Variants in SHISA9 observed in about 807,000 individuals in gnomAD.
SHISA9 encodes shisa family member 9, also known as protein shisa-9.
Under a neutral mutation model 38.0 loss-of-function variants are expected in SHISA9, and 13 were observed. The ratio of observed to expected loss-of-function variants is 0.34; its 90% CI spans 0.22 to 0.54. The LOEUF is 0.54. Among genes scored for constraint, SHISA9 ranks in the 20% least tolerant of loss-of-function variants. The probability of loss-of-function intolerance (pLI) is 0.91; values close to 1 mark genes in which losing one functional copy is unlikely to be tolerated. For synonymous variants in SHISA9, 275 were observed against 242.0 expected, an observed-to-expected ratio of 1.14 and a Z score of -1.27; for missense variants, 538 against 575.8, an observed-to-expected ratio of 0.93 and a Z score of 0.67.
chr16:13,556,083 C>T, the SHISA9 span, among the ~76,000 whole-genome samples: 2 of 152,180 alleles, frequency 1.3e-5, no homozygotes, highest in Non-Finnish European at 2.9e-5. Flanking sequence ...CCAGACAAAG[C>T]CACTTTCCGA....
At chr16:13,146,804 T>C (rs997805167) in intron 2 of SHISA9, among the ~76,000 whole-genome samples, 1 of 152,192 alleles carries the variant, frequency 6.6e-6, no homozygotes, top group African/African-American at 2.4e-5. Context: ...GGGCACCAAC[T>C]CAATGAATGG....
chr16:13,411,734 C>T, the SHISA9 span, among the ~76,000 whole-genome samples: 1 of 152,328 alleles, frequency 6.6e-6, no homozygotes, highest in East Asian at 1.9e-4. Flanking sequence ...GTAAGTTACA[C>T]AAGACACTTC....
At chr16:13,379,661 T>C in the SHISA9 span, among the ~76,000 whole-genome samples, 4 of 152,232 alleles carry the variant, frequency 2.6e-5, no homozygotes, top group African/African-American at 9.6e-5. Context: ...GCCTGAATCC[T>C]GGTAGGCACA....
chr16:13,540,432 C>T, the SHISA9 span, among the ~76,000 whole-genome samples: 1 of 152,218 alleles, frequency 6.6e-6, no homozygotes, highest in African/African-American at 2.4e-5. Flanking sequence ...ACCCCAGCTC[C>T]CTTTCCCATC....
intron 2 of SHISA9, among the ~76,000 whole-genome samples, chr16:13,084,758 AG>A (rs1350586587): frequency 6.7e-6 from 1 of 150,156 alleles, no homozygotes; most frequent in Non-Finnish European, 1.5e-5. Flanking sequence ...CATAGACCAT[AG>A]ACCATAGACA....
At chr16:13,187,568 C>T (rs1368442517) in intron 2 of SHISA9, among the ~76,000 whole-genome samples, 2 of 151,962 alleles carry the variant, frequency 1.3e-5, no homozygotes, top group Non-Finnish European at 2.9e-5. Context: ...CTCCTGATGT[C>T]TAGTGATCCA....
In SHISA9 at chr16:12,902,465, C is replaced by T; in HGVS notation, c.401C>T (p.Pro134Leu). 1 of 1,551,510 alleles carries T rather than the reference C, an allele frequency of 6.4e-7. No individual in the cohort carries two copies. The highest frequency in any genetic ancestry group is 8.7e-7 in the Non-Finnish European group (1 of 1,146,996). ...DTPLWLNTGK[P>L]PARKDDPLHD... ...CCGCTCTGGCTCAACACCGGCAAGC[C>T]CCCCGCCCGCAAGGACGACCCCTTG... The change falls in exon 1 of 5, where the codon CCC becomes CTC. Residue 134 changes from proline (P) to leucine (L), a missense_variant. By Grantham distance (98) the Pro-to-Leu change is moderately conservative. This residue lies in a region of SHISA9 where 88 missense variants were observed against 109.7 expected (regional missense o/e 0.80). Transcript: ENST00000558583.
intron 2 of SHISA9, among the ~76,000 whole-genome samples, chr16:12,994,024 C>G (rs888678586): frequency 3.3e-5 from 5 of 152,076 alleles, no homozygotes; most frequent in African/African-American, 9.7e-5. Context: ...TTTATAGACA[C>G]CTGGCTAAAA....
chr16:13,254,575 G>A, the SHISA9 span, among the ~76,000 whole-genome samples: 2 of 152,226 alleles, frequency 1.3e-5, no homozygotes, highest in South Asian at 4.1e-4. Context: ...TGTTATTTCT[G>A]GACTTTTCCA....
chr16:13,028,586 T>TTCAA (rs1456464546), intron 2 of SHISA9, among the ~76,000 whole-genome samples: 1 of 152,168 alleles, frequency 6.6e-6, no homozygotes, highest in African/African-American at 2.4e-5. Flanking sequence ...GCCTCCATGA[T>TTCAA]TCAATTATCT....
At chr16:13,312,970 C>T in the SHISA9 span, among the ~76,000 whole-genome samples, 1 of 149,996 alleles carries the variant, frequency 6.7e-6, no homozygotes, top group South Asian at 2.1e-4. Flanking sequence ...ATAAAAAAAA[C>T]CCAGGCCGGG....
chr16:13,396,946 TCCACCCCTG>T, the SHISA9 span, among the ~76,000 whole-genome samples: 1 of 152,086 alleles, frequency 6.6e-6, no homozygotes, highest in Non-Finnish European at 1.5e-5. Flanking sequence ...TGGATTTTCT[TCCACCCCTG>T]CCACCCCTGA....
At chr16:13,468,142 C>A in the SHISA9 span, among the ~76,000 whole-genome samples, 1 of 152,184 alleles carries the variant, frequency 6.6e-6, no homozygotes, top group African/African-American at 2.4e-5. Flanking sequence ...TATCAATCTG[C>A]AGCAAGATCT....
chr16:13,546,860 G>A, the SHISA9 span, among the ~76,000 whole-genome samples: 3 of 152,148 alleles, frequency 2.0e-5, no homozygotes, highest in East Asian at 1.9e-4. Context: ...CTATCAGGCC[G>A]TTTACTGGAA....
chr16:13,472,624 C>T, the SHISA9 span, among the ~76,000 whole-genome samples: 1 of 152,038 alleles, frequency 6.6e-6, no homozygotes, highest in South Asian at 2.1e-4. Context: ...GATCTCCTGA[C>T]CTCGTGATCC....
At chr16:13,356,634 G>C in the SHISA9 span, among the ~76,000 whole-genome samples, 248 of 152,208 alleles carry the variant, frequency 1.6e-3, no homozygotes, top group African/African-American at 5.6e-3. Context: ...TGGGGAGGAA[G>C]GGAGGGGTCA....
the SHISA9 span, among the ~76,000 whole-genome samples, chr16:13,545,095 G>A: frequency 6.6e-6 from 1 of 152,180 alleles, no homozygotes; most frequent in Non-Finnish European, 1.5e-5. Context: ...CATGTGCCTT[G>A]CATGTACTTT....
chr16:13,131,953 CATT>C (rs2050310288), intron 2 of SHISA9, among the ~76,000 whole-genome samples: 1 of 152,224 alleles, frequency 6.6e-6, no homozygotes. Flanking sequence ...TAATTACAAA[CATT>C]AGTCACTGTT....
chr16:12,975,877 A>T (rs1006159149), intron 2 of SHISA9, among the ~76,000 whole-genome samples: 1 of 144,960 alleles, frequency 6.9e-6, no homozygotes, highest in Non-Finnish European at 1.5e-5. Context: ...TTGAACAGCA[A>T]TTTTTTTTTT....
Sources: allele counts gnomAD v4.1 joint callset (sites outside exome capture counted in the v4.1 genomes callset), GRCh38; gene constraint gnomAD v4.1.1; regional missense constraint gnomAD v4.1.1; transcripts MANE v1.5; gene names NCBI Gene and HGNC (gene_info 2026-07-23, HGNC 2026-07-21).